E2F7: variants seen among roughly 807,000 people sequenced by gnomAD.
E2F7 encodes the protein E2F transcription factor 7.
In E2F7, 35 loss-of-function variants were observed where a neutral mutation model predicts 81.1. The ratio of observed to expected loss-of-function variants is 0.43; its 90% confidence interval spans 0.33 to 0.57. The LOEUF (loss-of-function observed/expected upper bound fraction) is 0.57, where lower values mean the gene tolerates loss of function less well. Among genes scored for constraint, E2F7 ranks in the 20% least tolerant of loss-of-function variants. The pLI, the probability that E2F7 is intolerant of heterozygous loss-of-function variation, is 0.04. For synonymous variants in E2F7, 416 were observed against 416.2 expected, an observed-to-expected ratio of 1.00 and a Z score of 0.01; for missense variants, 961 against 1,093.7, an observed-to-expected ratio of 0.88 and a Z score of 1.71.
intron 2 of E2F7, among the ~76,000 whole-genome samples, chr12:77,059,343 C>T (rs1283799739): frequency 1.3e-5 from 2 of 152,152 alleles, no homozygotes; most frequent in Non-Finnish European, 2.9e-5. Flanking sequence ...GCATATACGG[C>T]TGTGGAAAGG....
chr12:77,054,550 C>T (rs1592566031), intron 3 of E2F7, among the ~76,000 whole-genome samples: 2 of 152,026 alleles, frequency 1.3e-5, no homozygotes, highest in Non-Finnish European at 2.9e-5. Flanking sequence ...TTAAATCCAC[C>T]GAAATTTTAG....
chr12:77,050,740 T>G lies in E2F7; in HGVS notation c.374A>C (p.Asp125Ala), dbSNP rs1954979835. The change falls in exon 4 of 13, where the codon GAT (aspartate) becomes GCT (alanine). Residue 125 changes from aspartate (D) to alanine (A), a missense_variant. Around this residue, in one of 3 missense-constraint regions of E2F7, gnomAD observed 301 missense variants for 405.0 expected, o/e 0.74. Transcript: ENST00000322886. ...GTCCACAGCACTGTCCCCAACAACATCAAGCTACAGAGGGCAGATAGAAGG... is the reference window on the plus strand; with the variant it reads ...GTCCACAGCACTGTCCCCAACAACAGCAAGCTACAGAGGGCAGATAGAAGG... ...DDAFTDSLQL[D>A]VVGDSAVDEF... is the part of the protein sequence containing the mutation. The G allele has an allele frequency of 6.2e-7, 1 of 1,612,536 alleles. No homozygotes were observed. The highest frequency in any genetic ancestry group is 8.5e-7 in the Non-Finnish European group (1 of 1,179,298).
At chr12:77,026,113 C>G in intron 11 of E2F7, 131 bp from the exon 12 acceptor site, 3 of 1,092,974 alleles carry the variant, frequency 2.7e-6, no homozygotes, top group Non-Finnish European at 3.8e-6. Context: ...CTTCCCCCAG[C>G]TGACCAGGCC....
At chr12:77,028,277 C>T in intron 10 of E2F7, 139 bp from the exon 11 acceptor site, 6 of 1,123,618 alleles carry the variant, frequency 5.3e-6, no homozygotes, top group Non-Finnish European at 7.4e-6. Flanking sequence ...ACTGCAACCT[C>T]TGACTCCAAG....
chr12:77,053,193 C>T (rs1555200785), intron 3 of E2F7, among the ~76,000 whole-genome samples: 2 of 152,084 alleles, frequency 1.3e-5, no homozygotes. Flanking sequence ...GCTCCAAGGA[C>T]CCCTTTATGT....
At chr12:77,037,541 G>C (rs1232945195) in intron 7 of E2F7, among the ~76,000 whole-genome samples, 2 of 152,210 alleles carry the variant, frequency 1.3e-5, no homozygotes, top group Non-Finnish European at 2.9e-5. Flanking sequence ...ATGAAAGCAA[G>C]TTATTGCAAG....
At chr12:77,046,553 T>A (rs867384588) in intron 4 of E2F7, among the ~76,000 whole-genome samples, 1 of 152,168 alleles carries the variant, frequency 6.6e-6, no homozygotes, top group African/African-American at 2.4e-5. Flanking sequence ...AGATAAAACA[T>A]CTATCTAGAG....
intron 7 of E2F7, among the ~76,000 whole-genome samples, chr12:77,036,006 G>C (rs1356000457): frequency 9.3e-5 from 1 of 10,788 alleles, no homozygotes; most frequent in East Asian, 6.7e-4. Flanking sequence ...TAAATGAAAC[G>C]AGAAAAAAGA....
intron 11 of E2F7, 41 bp downstream of exon 11, chr12:77,027,842 G>T: frequency 1.9e-6 from 3 of 1,597,848 alleles, no homozygotes; most frequent in South Asian, 1.1e-5. Context: ...TTCTTGATCT[G>T]ACTGCCGCAA....
At chr12:77,037,193 A>G (rs1198187568) in intron 7 of E2F7, among the ~76,000 whole-genome samples, 1 of 152,262 alleles carries the variant, frequency 6.6e-6, no homozygotes, top group Admixed American at 6.5e-5. Flanking sequence ...GCAGAAAAAA[A>G]TATTAGATGG....
intron 2 of E2F7, among the ~76,000 whole-genome samples, chr12:77,063,785 G>C (rs1437609527): frequency 2.0e-5 from 3 of 152,186 alleles, no homozygotes; most frequent in African/African-American, 7.2e-5. Context: ...TTGATGCTAA[G>C]CCTAAAAATA....
intron 7 of E2F7, among the ~76,000 whole-genome samples, chr12:77,039,185 T>A (rs1269278961): frequency 6.6e-6 from 1 of 152,168 alleles, no homozygotes; most frequent in African/African-American, 2.4e-5. Flanking sequence ...TCCCATCCCC[T>A]CAGAAAAGCA....
At chr12:77,054,471 C>T (rs1012481200) in intron 3 of E2F7, among the ~76,000 whole-genome samples, 1 of 151,982 alleles carries the variant, frequency 6.6e-6, no homozygotes, top group Admixed American at 6.6e-5. Flanking sequence ...TGTATAACAC[C>T]TGTATACCAA....
chr12:77,054,171 G>A (rs1465743899), intron 3 of E2F7, among the ~76,000 whole-genome samples: 1 of 151,352 alleles, frequency 6.6e-6, no homozygotes, highest in Non-Finnish European at 1.5e-5. Context: ...CCAAACACTC[G>A]CAAAATGCAA....
chr12:77,044,584 A>C, intron 6 of E2F7, 53 bp downstream of exon 6: 1 of 1,584,998 alleles, frequency 6.3e-7, no homozygotes. Context: ...ATATCAACAC[A>C]TGAAATCCCA....
intron 2 of E2F7, among the ~76,000 whole-genome samples, chr12:77,062,505 T>C (rs1479507254): frequency 1.3e-5 from 2 of 152,208 alleles, no homozygotes; most frequent in African/African-American, 2.4e-5. Flanking sequence ...TTCTCATCTC[T>C]TGCCTTCTAT....
chr12:77,026,012 AAT>A, intron 11 of E2F7, 30 bp from the exon 12 acceptor site: 3 of 1,572,560 alleles, frequency 1.9e-6, no homozygotes, highest in South Asian at 2.4e-5. Flanking sequence ...GGCGAAAATC[AAT>A]ATATGTCATC....
Position 77,023,674 on chromosome 12 carries a change from T to G in E2F7, c.*341A>C, listed in dbSNP as rs1340696577. 3 of 187,624 alleles carry G rather than the reference T, an allele frequency of 1.6e-5. No individual in the cohort carries two copies. Among genetic ancestry groups the G allele is most frequent in the Non-Finnish European group, 3.3e-5 (3 of 91,090 alleles). 11.6% of individuals were successfully genotyped at this position (187,624 alleles called of 1,614,324 possible). A position where few individuals can be genotyped will look rare whatever the true frequency, so the allele number is the denominator to read the frequency against. On this transcript the variant is annotated 3_prime_UTR_variant, in exon 13 of 13. Coordinates refer to ENST00000322886, the MANE Select transcript of E2F7 (RefSeq NM_203394.3). ...AAGTGGAAATACATGTTAAGAATGC[T>G]TACCCTAGTTAAGTGCTAGACAGCG...
chr12:77,044,302 A>T (rs1056589533), intron 6 of E2F7: 2 of 471,702 alleles, frequency 4.2e-6, no homozygotes, highest in Admixed American at 2.4e-5. Flanking sequence ...TGGGGAAAAA[A>T]GGGGAAAGAA....
Sources: allele counts gnomAD v4.1 joint callset (sites outside exome capture counted in the v4.1 genomes callset), GRCh38; gene constraint gnomAD v4.1.1; regional missense constraint gnomAD v4.1.1; transcripts MANE v1.5; gene names NCBI Gene and HGNC (gene_info 2026-07-23, HGNC 2026-07-21).